HIPK3: variants seen among roughly 807,000 people sequenced by gnomAD.
HIPK3 encodes the protein homeodomain-interacting protein kinase 3.
In HIPK3, 47 loss-of-function variants were observed where a neutral mutation model predicts 124.2. The observed-to-expected ratio is 0.38, with a 90% CI of 0.30 to 0.48. The LOEUF is 0.48. Ranked by LOEUF, HIPK3 falls within the 20% of genes least tolerant of loss-of-function variation. The pLI, the probability that HIPK3 is intolerant of heterozygous loss-of-function variation, is 0.98. For missense variants in HIPK3, 1,286 were observed against 1,454.3 expected (o/e 0.88, Z 1.88); for synonymous variants, 482 against 515.2 (o/e 0.94, Z 0.87).
chr11:33,317,464 C>G (rs1358978177), intron 2 of HIPK3, among the ~76,000 whole-genome samples: 4 of 151,844 alleles, frequency 2.6e-5, no homozygotes, highest in Non-Finnish European at 5.9e-5. Flanking sequence ...ACGGAGTCTC[C>G]ATATATTATC....
At chr11:33,267,448 C>A (rs963027040) in intron 1 of HIPK3, among the ~76,000 whole-genome samples, 8 of 150,798 alleles carry the variant, frequency 5.3e-5, no homozygotes, top group African/African-American at 1.9e-4. Context: ...GTTGAACCTG[C>A]TAGCTGTAAC....
chr11:33,298,771 A>G (rs1316756806), intron 2 of HIPK3, among the ~76,000 whole-genome samples: 1 of 152,218 alleles, frequency 6.6e-6, no homozygotes, highest in Non-Finnish European at 1.5e-5. Flanking sequence ...TGGAGTTAGT[A>G]GAATTAGAAG....
chr11:33,334,978 T>A (rs1436317374), intron 3 of HIPK3, among the ~76,000 whole-genome samples: 1 of 152,102 alleles, frequency 6.6e-6, no homozygotes, highest in Non-Finnish European at 1.5e-5. Context: ...AGGGGACAGT[T>A]GTGAAAAATG....
At chr11:33,263,236 G>T (rs1050364471) in intron 1 of HIPK3, among the ~76,000 whole-genome samples, 1 of 152,146 alleles carries the variant, frequency 6.6e-6, no homozygotes, top group Admixed American at 6.6e-5. Context: ...TGGGAGAGTG[G>T]GTGGTGAGGC....
intron 11 of HIPK3, 53 bp from the exon 12 acceptor site, chr11:33,348,113 T>A: frequency 6.2e-7 from 1 of 1,605,914 alleles, no homozygotes; most frequent in Non-Finnish European, 8.5e-7. Context: ...CAAAATGACC[T>A]CTTTTATAGC....
intron 2 of HIPK3, among the ~76,000 whole-genome samples, chr11:33,297,616 G>T (rs1328581650): frequency 2.0e-5 from 3 of 152,064 alleles, no homozygotes; most frequent in Non-Finnish European, 4.4e-5. Flanking sequence ...AGCAGCAAGG[G>T]CTGATGCAGA....
At chr11:33,312,634 A>G (rs1852385031) in intron 2 of HIPK3, among the ~76,000 whole-genome samples, 1 of 152,252 alleles carries the variant, frequency 6.6e-6, no homozygotes, top group Non-Finnish European at 1.5e-5. Context: ...TTGATAAGAT[A>G]CATATATAAA....
intron 1 of HIPK3, among the ~76,000 whole-genome samples, chr11:33,260,173 C>G (rs905865784): frequency 4.6e-5 from 7 of 152,118 alleles, no homozygotes; most frequent in East Asian, 1.9e-4. Context: ...AGATCATACT[C>G]TTAACTTTTT....
intron 1 of HIPK3, among the ~76,000 whole-genome samples, chr11:33,258,888 T>TTATA (rs771678003): frequency 3.8e-4 from 58 of 152,284 alleles, no homozygotes; most frequent in Non-Finnish European, 3.8e-4. Context: ...CTGCTTCTAA[T>TTATA]TATAATAAGG....
rs1273725489 is a variant in HIPK3 at position 33,334,990 on chromosome 11, TAATG to T, written c.1222-2082_1222-2079del. Among the ~76,000 whole-genome samples, 6 of 152,266 alleles carry T rather than the reference TAATG, an allele frequency of 3.9e-5. No homozygotes were observed. The East Asian group carries it at 1.2e-3, about 29-fold the overall frequency. On this transcript the variant is annotated intron_variant, in intron 3 of 16. Coordinates refer to ENST00000303296, the MANE Select transcript of HIPK3 (RefSeq NM_005734.5). ...AGGAGGGGACAGTTGTGAAAAATGT[TAATG>T]AAGTAAAATTGTTAGGCTTTTGGAT...
intron 2 of HIPK3, among the ~76,000 whole-genome samples, chr11:33,303,739 C>T (rs1852070878): frequency 6.6e-6 from 1 of 152,082 alleles, no homozygotes; most frequent in Non-Finnish European, 1.5e-5. Flanking sequence ...GAAAGAGTGC[C>T]AGTTCAGTGG....
At position 33,347,735 on chromosome 11, in the gene HIPK3, A is replaced by C; in HGVS notation, c.2126A>C (p.His709Pro). 1 of 1,614,128 alleles carries C rather than the reference A, an allele frequency of 6.2e-7. No individual in the cohort carries two copies. Among genetic ancestry groups the C allele is most frequent in the Non-Finnish European group, 8.5e-7 (1 of 1,179,988 alleles). ...TLTSESVAGS[H>P]RLGDWGKMIS... ...ACTTCTGAGAGTGTGGCTGGTTCACACAGGCTTGGAGACTGGGGGTAAGCT... is the reference window on the plus strand; with the variant it reads ...ACTTCTGAGAGTGTGGCTGGTTCACCCAGGCTTGGAGACTGGGGGTAAGCT... Residue 709 changes from histidine (H) to proline (P), a missense_variant, in exon 10 of 17, where the codon CAC becomes CCC. His to Pro is a moderately conservative substitution (Grantham distance 77). Around this residue, in one of 3 missense-constraint regions of HIPK3, gnomAD observed 810 missense variants for 864.9 expected, o/e 0.94. Transcript: ENST00000303296.
intron 8 of HIPK3, among the ~76,000 whole-genome samples, chr11:33,343,128 A>G (rs1330816868): frequency 2.0e-5 from 3 of 152,110 alleles, no homozygotes; most frequent in African/African-American, 4.8e-5. Flanking sequence ...TGTTTGCTGT[A>G]TCATTGTAGG....
At chr11:33,305,149 C>T (rs563645237) in intron 2 of HIPK3, among the ~76,000 whole-genome samples, 13 of 152,230 alleles carry the variant, frequency 8.5e-5, no homozygotes, top group South Asian at 6.2e-4. Context: ...TACAGGCTTG[C>T]GCCACCATGC....
At chr11:33,302,087 T>C (rs979865741) in intron 2 of HIPK3, among the ~76,000 whole-genome samples, 86 of 152,276 alleles carry the variant, frequency 5.6e-4, no homozygotes, top group African/African-American at 2.0e-3. Flanking sequence ...AGCATTGTAA[T>C]CAATCTAGAT....
intron 2 of HIPK3, among the ~76,000 whole-genome samples, chr11:33,288,945 A>T (rs1284316773): frequency 6.6e-6 from 1 of 152,102 alleles, no homozygotes; most frequent in African/African-American, 2.4e-5. Flanking sequence ...ATAAATTTAG[A>T]CCCACCAAGG....
intron 2 of HIPK3, among the ~76,000 whole-genome samples, chr11:33,289,753 A>G (rs1376543303): frequency 1.3e-5 from 2 of 152,154 alleles, no homozygotes; most frequent in African/African-American, 4.8e-5. Flanking sequence ...CAAATACTAC[A>G]TATTATTCAT....
chr11:33,347,176 T>A (rs1853518761), intron 8 of HIPK3, 117 bp from the exon 9 acceptor site: 1 of 951,332 alleles, frequency 1.1e-6, no homozygotes, highest in African/African-American at 1.7e-5. Context: ...CGAGGCCCTG[T>A]CTCAAAAAAA....
At chr11:33,264,233 T>G (rs1314854642) in intron 1 of HIPK3, among the ~76,000 whole-genome samples, 1 of 152,218 alleles carries the variant, frequency 6.6e-6, no homozygotes, top group Non-Finnish European at 1.5e-5. Context: ...AAATGTAGTA[T>G]TTGCTCATTT....
Sources: allele counts gnomAD v4.1 joint callset (sites outside exome capture counted in the v4.1 genomes callset), GRCh38; gene constraint gnomAD v4.1.1; regional missense constraint gnomAD v4.1.1; transcripts MANE v1.5; gene names NCBI Gene and HGNC (gene_info 2026-07-23, HGNC 2026-07-21).